The following STARD10 variants were observed in gnomAD, a reference collection of about 807,000 sequenced individuals.
STARD10 encodes START domain-containing protein 10.
A neutral mutation model predicts 36.0 loss-of-function variants in STARD10; 24 were observed. The ratio of observed to expected loss-of-function variants is 0.67; its 90% CI spans 0.48 to 0.94. The LOEUF is 0.94. STARD10 is among the 40% of genes least tolerant of loss of function. STARD10 has a pLI of 0.00. For synonymous variants in STARD10, 156 were observed against 161.9 expected, an observed-to-expected ratio of 0.96 and a Z score of 0.28; for missense variants, 335 against 396.6, an observed-to-expected ratio of 0.84 and a Z score of 1.32.
At chr11:72,774,763 G>A (rs1858909174) in intron 2 of STARD10, among the ~76,000 whole-genome samples, 2 of 152,236 alleles carry the variant, frequency 1.3e-5, no homozygotes, top group Admixed American at 1.3e-4. Flanking sequence ...GAACAGCCCC[G>A]CAGAGGCCCC....
At chr11:72,777,036 C>A (rs1272330026) in intron 2 of STARD10, among the ~76,000 whole-genome samples, 1 of 152,238 alleles carries the variant, frequency 6.6e-6, no homozygotes, top group East Asian at 1.9e-4. Flanking sequence ...CCCCCTCCCA[C>A]ACCTGCTCCA....
At chr11:72,780,757 A>G in intron 2 of STARD10, 1 of 587,112 alleles carries the variant, frequency 1.7e-6, no homozygotes, top group Non-Finnish European at 3.0e-6. Flanking sequence ...CAGCTGAGAG[A>G]GGCAGGGTGA....
In STARD10 at chr11:72,755,725, T is replaced by C. The variant is rs377466107; in HGVS notation, c.606A>G (p.Lys202=). 150 of 1,613,536 alleles carry C rather than the reference T, an allele frequency of 9.3e-5. No individual in the cohort carries two copies. The highest frequency in any genetic ancestry group is 1.2e-4 in the Non-Finnish European group (140 of 1,179,820). ...KGSLPKWVVN[K]SSQFLAPKAM... ...CCTTGGGAGCCAGGAACTGAGAAGA[T>C]TTATTCACCACCCACTTGGGTAAGG... Residue 202 remains lysine, a synonymous_variant, in exon 6 of 7, where the codon AAA becomes AAG. Transcript: ENST00000334805.
At chr11:72,758,717 G>C in intron 3 of STARD10, 84 bp from the exon 4 acceptor site, 1 of 951,096 alleles carries the variant, frequency 1.1e-6, no homozygotes. Context: ...GAGATGCAGG[G>C]ATGCCTAATT....
At position 72,793,311 on chromosome 11, in the gene STARD10, A is replaced by G. The variant is rs2135045406; in HGVS notation, c.-550T>C. ...CCGCGTGGGTAAATTCCTGAAAGTA[A>G]ACTAAGCTGTTTTCACCCCTGGATC... On this transcript the variant is annotated 5_prime_UTR_variant, in exon 1 of 7. Transcript: ENST00000334805. 6.6e-6 allele frequency: 1 copy of G among 152,338 alleles called. No individual in the cohort carries two copies. The allele number at this position is 152,338 out of a possible 1,614,324, so 9.4% of individuals were successfully genotyped here. A position where few individuals can be genotyped will look rare whatever the true frequency, so the allele number is the denominator to read the frequency against.
Position 72,755,077 on chromosome 11 carries a change from G to A in STARD10, c.696C>T (p.His232=), listed in dbSNP as rs1456850103. 6.2e-7 allele frequency: 1 copy of A among 1,613,444 alleles called. No homozygotes were observed. Among genetic ancestry groups the A allele is most frequent in the Non-Finnish European group, 8.5e-7 (1 of 1,179,776 alleles). Residue 232 remains histidine (H), a synonymous_variant, in exon 7 of 7, where the codon CAC becomes CAT. Transcript: ENST00000334805. ...GCTCCGGGTGCAGCCACGGCTTGAA[G>A]TGAGGCAGGTGCTTCTGTTTCCACT... The part of the protein sequence containing the change: ...YPEWKQKHLP[H]FKPWLHPEQS...
chr11:72,754,994 A>T lies in STARD10; in HGVS notation c.779T>A (p.Leu260Gln). The change falls in exon 7 of 7, where the codon CTG becomes CAG. Residue 260 changes from leucine to glutamine, a missense_variant. Physicochemically the swap from Leu to Gln is moderately radical, Grantham distance 113. Coordinates refer to ENST00000334805, the MANE Select transcript of STARD10 (RefSeq NM_006645.3). Reference sequence around the variant, plus strand: ...CACCGCGCTCTCGTCGATGTTCTCCAGTGAGTCCGCATGCTGCACCGACAG... The same window carrying T: ...CACCGCGCTCTCGTCGATGTTCTCCTGTGAGTCCGCATGCTGCACCGACAG... Reference protein sequence around the residue: ...SELSVQHADSLENIDESAVAE... With the variant: ...SELSVQHADSQENIDESAVAE... The T allele has an allele frequency of 6.2e-7, 1 of 1,612,866 alleles. No individual in the cohort carries two copies. The highest frequency in any genetic ancestry group is 8.5e-7 in the Non-Finnish European group (1 of 1,179,730).
At chr11:72,785,659 C>T (rs1332570472) in intron 1 of STARD10, among the ~76,000 whole-genome samples, 2 of 151,626 alleles carry the variant, frequency 1.3e-5, no homozygotes, top group African/African-American at 2.4e-5. Context: ...TTACATACCA[C>T]ACCTTCCACT....
At chr11:72,785,336 G>C (rs185258287) in intron 1 of STARD10, among the ~76,000 whole-genome samples, 1 of 151,670 alleles carries the variant, frequency 6.6e-6, no homozygotes, top group East Asian at 1.9e-4. Flanking sequence ...AGGCCGATAC[G>C]GGTGGATCAC....
intron 2 of STARD10, chr11:72,780,414 G>A (rs1386113283): frequency 6.6e-6 from 3 of 451,800 alleles, no homozygotes; most frequent in African/African-American, 4.0e-5. Context: ...CCTGCCTTCA[G>A]GATCTGCCAG....
intron 1 of STARD10, among the ~76,000 whole-genome samples, chr11:72,790,125 T>A (rs1390764514): frequency 6.6e-6 from 1 of 152,230 alleles, no homozygotes; most frequent in African/African-American, 2.4e-5. Context: ...CTGGGCCCTG[T>A]ACTCTCCTTC....
At chr11:72,755,242 C>T in intron 6 of STARD10, 100 bp from the exon 7 acceptor site, 1 of 1,392,256 alleles carries the variant, frequency 7.2e-7, no homozygotes, top group Admixed American at 2.3e-5. Context: ...TGACTGGCTC[C>T]CTTTCAAAAC....
At chr11:72,789,323 T>A (rs569562080) in intron 1 of STARD10, among the ~76,000 whole-genome samples, 1 of 152,330 alleles carries the variant, frequency 6.6e-6, no homozygotes, top group South Asian at 2.1e-4. Context: ...AGGTCTGGCA[T>A]CTGTCTCCGA....
chr11:72,781,195 A>C lies in STARD10; in HGVS notation c.-14T>G. 6.2e-7 allele frequency: 1 copy of C among 1,605,000 alleles called. No homozygotes were observed. Among genetic ancestry groups the C allele is most frequent in the Non-Finnish European group, 8.5e-7 (1 of 1,178,832 alleles). On this transcript the variant is annotated 5_prime_UTR_variant, in exon 2 of 7. Transcript: ENST00000334805. The surrounding 1 kb of genome is among the most constrained non-coding windows in gnomAD (Gnocchi z 4.7). The stretch of plus-strand genomic sequence containing the variant: ...CAGCTTCTCCATGGGGAGTGTGGGG[A>C]GGCCCAGGGCCCTGGTCCTAGTCCG...
chr11:72,774,717 C>T (rs1219533045), intron 2 of STARD10, among the ~76,000 whole-genome samples: 2 of 152,222 alleles, frequency 1.3e-5, no homozygotes, highest in East Asian at 1.9e-4. Flanking sequence ...CAACCAGGCA[C>T]CCAGGCCAGG....
intron 2 of STARD10, among the ~76,000 whole-genome samples, chr11:72,764,023 C>A (rs1858753649): frequency 1.3e-5 from 2 of 152,220 alleles, no homozygotes; most frequent in Admixed American, 6.5e-5. Context: ...TCAAGCGTGG[C>A]TTCTGAGGAA....
At chr11:72,776,929 A>G (rs759277421) in intron 2 of STARD10, among the ~76,000 whole-genome samples, 2 of 152,112 alleles carry the variant, frequency 1.3e-5, no homozygotes, top group Non-Finnish European at 2.9e-5. Flanking sequence ...CTTTTCCCAA[A>G]GGGGAAGGGG....
At chr11:72,761,744 A>T (rs1356532148) in intron 2 of STARD10, among the ~76,000 whole-genome samples, 1 of 151,890 alleles carries the variant, frequency 6.6e-6, no homozygotes. Flanking sequence ...ACTCCATCTT[A>T]AAAAACAAAC....
chr11:72,758,592 G>A lies in STARD10; in HGVS notation c.397C>T (p.Leu133Phe). The change falls in exon 4 of 7, where the codon CTC becomes TTC. Residue 133 changes from leucine (L) to phenylalanine (F), a missense_variant. Coordinates refer to ENST00000334805, the MANE Select transcript of STARD10 (RefSeq NM_006645.3). ...KPLKNRDVIT[L>F]RSWLPMGADY... ...GCGCCCATGGGGAGCCAGGAGCGGA[G>A]GGTGATGACATCACGGTTCTTCAGG... The A allele has an allele frequency of 1.9e-6, 3 of 1,614,056 alleles. No homozygotes were observed. Among genetic ancestry groups the A allele is most frequent in the Non-Finnish European group, 2.5e-6 (3 of 1,180,004 alleles).
Sources: gnomAD v4.1 joint callset for allele counts (sites outside exome capture counted in the v4.1 genomes callset) on GRCh38, gnomAD v4.1.1 for gene constraint, Gnocchi (gnomAD v3.1) non-coding constraint, MANE v1.5 for transcripts, NCBI Gene and HGNC (gene_info 2026-07-23, HGNC 2026-07-21) for gene names.